Variants in C8orf34 observed in about 807,000 individuals in gnomAD.
The protein encoded by C8orf34 is chromosome 8 open reading frame 34.
Under a neutral mutation model 68.3 loss-of-function variants are expected in C8orf34, and 65 were observed. That is an observed-to-expected ratio of 0.95 (90% CI 0.78 to 1.17). C8orf34 has a LOEUF of 1.17. C8orf34 is among the 50% of genes most tolerant of loss of function. The pLI is 0.00. For synonymous variants in C8orf34, 244 were observed against 241.2 expected, an observed-to-expected ratio of 1.01 and a Z score of -0.11; for missense variants, 664 against 655.4, an observed-to-expected ratio of 1.01 and a Z score of -0.14.
intron 8 of C8orf34, among the ~76,000 whole-genome samples, chr8:68,701,085 A>C (rs1445252516): frequency 2.0e-5 from 3 of 152,118 alleles, no homozygotes; most frequent in Non-Finnish European, 4.4e-5. Context: ...TTTATTTTGC[A>C]GTGAAATATA....
rs1426825198 is a variant in C8orf34 at position 68,379,692 on chromosome 8, G to C, written c.327+48353G>C. 2.0e-5 allele frequency among the ~76,000 whole-genome samples: 3 copies of C among 152,044 alleles called. No individual in the cohort carries two copies. In the South Asian group the frequency reaches 6.2e-4, roughly 32 times the overall value. On this transcript the variant is annotated intron_variant, in intron 1 of 13. Transcript: ENST00000518698. ...CTGATTCCTATTCAAACAAGCAAACGTGTACAAAAAGCTCAAATAAAATAA... is the reference window on the plus strand; with the variant it reads ...CTGATTCCTATTCAAACAAGCAAACCTGTACAAAAAGCTCAAATAAAATAA...
Position 68,439,558 on chromosome 8 carries a change from C to A in C8orf34, c.387C>A (p.Asp129Glu). Residue 129 changes from aspartate (D) to glutamate (E), a missense_variant, in exon 2 of 14, where the codon GAC becomes GAA. Transcript: ENST00000518698. ...TPDQPIPFLI[D>E]HLQSKQGNRG... ...ACCAGCCAATCCCATTTCTCATTGA[C>A]CATCTTCAGTCTAAACAAGGGAACC... is the stretch of plus-strand genomic sequence containing the variant. 6.2e-7 allele frequency: 1 copy of A among 1,613,670 alleles called. No individual in the cohort carries two copies. The highest frequency in any genetic ancestry group is 2.2e-5 in the East Asian group (1 of 44,820).
intron 12 of C8orf34, among the ~76,000 whole-genome samples, chr8:68,815,667 C>A (rs545485035): frequency 2.0e-5 from 3 of 151,928 alleles, no homozygotes; most frequent in African/African-American, 7.3e-5. Flanking sequence ...GAAAAATTAC[C>A]GGAGGTTTAA....
chr8:68,644,684 C>G (rs977034447), intron 8 of C8orf34, among the ~76,000 whole-genome samples: 1 of 152,150 alleles, frequency 6.6e-6, no homozygotes, highest in African/African-American at 2.4e-5. Context: ...CAAGAAGATA[C>G]AGACAGCATT....
intron 11 of C8orf34, among the ~76,000 whole-genome samples, chr8:68,786,968 A>C (rs555821477): frequency 4.6e-5 from 7 of 152,164 alleles, no homozygotes; most frequent in African/African-American, 1.7e-4. Context: ...TATATGAGAA[A>C]TATGTTAACA....
intron 12 of C8orf34, among the ~76,000 whole-genome samples, chr8:68,796,860 T>C (rs1165316721): frequency 2.0e-5 from 3 of 149,210 alleles, no homozygotes; most frequent in African/African-American, 7.4e-5. Context: ...AGTGTCTTGC[T>C]CTGTCGCTGA....
At chr8:68,376,670 T>C (rs574710785) in intron 1 of C8orf34, among the ~76,000 whole-genome samples, 1 of 152,144 alleles carries the variant, frequency 6.6e-6, no homozygotes, top group Admixed American at 6.6e-5. Context: ...CAACTATATT[T>C]AAACTTAATA....
intron 11 of C8orf34, among the ~76,000 whole-genome samples, chr8:68,778,556 T>C (rs1213378934): frequency 6.6e-6 from 1 of 152,178 alleles, no homozygotes; most frequent in Non-Finnish European, 1.5e-5. Flanking sequence ...ATGGAGCTTT[T>C]ATTCAACATC....
chr8:68,740,972 T>A (rs1822272900), intron 10 of C8orf34, among the ~76,000 whole-genome samples: 1 of 152,056 alleles, frequency 6.6e-6, no homozygotes, highest in Non-Finnish European at 1.5e-5. Context: ...AGCATACTAA[T>A]ACAGGAACAG....
chr8:68,366,873 G>A (rs1392764893), intron 1 of C8orf34, among the ~76,000 whole-genome samples: 1 of 141,734 alleles, frequency 7.1e-6, no homozygotes, highest in Non-Finnish European at 1.5e-5. Context: ...AAAAGCAATG[G>A]CAACAAAAGA....
intron 8 of C8orf34, among the ~76,000 whole-genome samples, chr8:68,652,574 A>T (rs946610607): frequency 9.9e-5 from 15 of 152,052 alleles, no homozygotes; most frequent in African/African-American, 2.9e-4. Context: ...ATGTATTTTG[A>T]CTTAATTTTT....
chr8:68,511,442 G>A (rs773405488), intron 5 of C8orf34, among the ~76,000 whole-genome samples: 5 of 152,086 alleles, frequency 3.3e-5, no homozygotes, highest in Non-Finnish European at 5.9e-5. Flanking sequence ...GTAGTTTGGC[G>A]GGAAGGACAG....
chr8:68,698,063 C>T (rs1251149637), intron 8 of C8orf34, among the ~76,000 whole-genome samples: 6 of 152,014 alleles, frequency 3.9e-5, no homozygotes, highest in Admixed American at 6.6e-5. Context: ...AAACAATTTA[C>T]AACTTTCTAA....
chr8:68,439,233 A>C, intron 1 of C8orf34: 1 of 259,040 alleles, frequency 3.9e-6, no homozygotes, highest in East Asian at 6.9e-5. Context: ...TTGTTGGCTA[A>C]GTATAATACA....
intron 7 of C8orf34, among the ~76,000 whole-genome samples, chr8:68,604,935 A>G (rs1390957621): frequency 6.6e-6 from 1 of 152,164 alleles, no homozygotes. Context: ...CTGACTGGGT[A>G]AAAATATTTG....
intron 1 of C8orf34, among the ~76,000 whole-genome samples, chr8:68,415,477 T>C (rs576692440): frequency 6.7e-6 from 1 of 149,782 alleles, no homozygotes; most frequent in African/African-American, 2.5e-5. Flanking sequence ...TGAAATTCCA[T>C]CTCAGGAAAA....
At chr8:68,675,953 T>C (rs906657803) in intron 8 of C8orf34, among the ~76,000 whole-genome samples, 3 of 151,966 alleles carry the variant, frequency 2.0e-5, no homozygotes, top group African/African-American at 7.2e-5. Context: ...TTAGACAAAA[T>C]CGATCTCAGG....
intron 1 of C8orf34, chr8:68,438,576 G>C (rs561004828): frequency 6.6e-6 from 1 of 152,064 alleles, no homozygotes; most frequent in Non-Finnish European, 1.5e-5. Flanking sequence ...GCTTAAAACA[G>C]CAATGAACAG....
At chr8:68,808,208 G>A (rs1404513755) in intron 12 of C8orf34, among the ~76,000 whole-genome samples, 2 of 152,122 alleles carry the variant, frequency 1.3e-5, no homozygotes, top group African/African-American at 4.8e-5. Context: ...ATTTTATCCA[G>A]CTATTCTATG....
Sources: allele counts gnomAD v4.1 joint callset (sites outside exome capture counted in the v4.1 genomes callset), GRCh38; gene constraint gnomAD v4.1.1; transcripts MANE v1.5; gene names NCBI Gene and HGNC (gene_info 2026-07-23, HGNC 2026-07-21).